Variants in POMT1 observed in about 807,000 individuals in gnomAD.
POMT1 encodes protein O-mannosyltransferase 1, also known as protein O-mannosyl-transferase 1.
A neutral mutation model predicts 101.6 loss-of-function variants in POMT1; 85 were observed. That is an observed-to-expected ratio of 0.84 (90% CI 0.70 to 1.00). The LOEUF is 1.00. POMT1 is among the 50% of genes least tolerant of loss of function. POMT1 has a pLI of 0.00. For synonymous variants in POMT1, 371 were observed against 383.0 expected (o/e 0.97, Z 0.37); for missense variants, 857 against 930.4 (o/e 0.92, Z 1.03).
intron 12 of POMT1, 71 bp downstream of exon 12, chr9:131,513,402 G>T: frequency 7.1e-7 from 1 of 1,407,154 alleles, no homozygotes; most frequent in Non-Finnish European, 9.8e-7. Flanking sequence ...AGACCAAAAC[G>T]TGAGCCCTGC....
At chr9:131,504,916 T>G (rs1945444499) in intron 2 of POMT1, among the ~76,000 whole-genome samples, 1 of 151,894 alleles carries the variant, frequency 6.6e-6, no homozygotes, top group South Asian at 2.1e-4. Context: ...TAGCTGAGAT[T>G]ACAGGTGCCC....
At chr9:131,506,044 A>G in intron 2 of POMT1, 70 bp from the exon 3 acceptor site, 1 of 1,597,560 alleles carries the variant, frequency 6.3e-7, no homozygotes, top group Admixed American at 1.7e-5. Context: ...ATACACATTT[A>G]TCCTCACAGT....
chr9:131,506,797 G>T, intron 4 of POMT1: 3 of 362,332 alleles, frequency 8.3e-6, no homozygotes, highest in Non-Finnish European at 1.6e-5. Flanking sequence ...GGCCGGGCGC[G>T]CTGGCTCACG....
intron 5 of POMT1, 66 bp from the exon 6 acceptor site, chr9:131,508,845 G>A: frequency 8.6e-7 from 1 of 1,167,788 alleles, no homozygotes; most frequent in Admixed American, 1.7e-5. Context: ...TTTCATGAGT[G>A]TTTTTCATCC....
chr9:131,521,983 AAG>A lies in POMT1; in HGVS notation c.1826-56_1826-55del, dbSNP rs1261487862. The A allele has an allele frequency of 4.4e-6, 7 of 1,608,100 alleles. No homozygotes were observed. In the East Asian group the frequency reaches 8.9e-5, roughly 20 times the overall value. ...AAGAACCCTCTCTCTAAAAAAGCAAAAGAGAGAGAAGACCCGGCCTGTGGGAG... is the reference window on the plus strand; with the variant it reads ...AAGAACCCTCTCTCTAAAAAAGCAAAAGAGAGAAGACCCGGCCTGTGGGAG... On this transcript the variant is annotated intron_variant, in intron 18 of 19. Transcript: ENST00000402686.
intron 2 of POMT1, among the ~76,000 whole-genome samples, chr9:131,505,681 T>A (rs1588330876): frequency 6.9e-6 from 1 of 145,092 alleles, no homozygotes; most frequent in Non-Finnish European, 1.5e-5. Context: ...TGCAGTTGAT[T>A]CCCACGTTTT....
chr9:131,517,708 C>T (rs923453447), intron 13 of POMT1, among the ~76,000 whole-genome samples: 1 of 152,216 alleles, frequency 6.6e-6, no homozygotes, highest in Non-Finnish European at 1.5e-5. Context: ...AGTGCTGTGC[C>T]CCTTCTCACG....
chr9:131,515,569 A>ACT, intron 13 of POMT1, 47 bp downstream of exon 13: 1 of 1,553,724 alleles, frequency 6.4e-7, no homozygotes. Flanking sequence ...AGTAATGAAC[A>ACT]CTCCCTCACA....
In POMT1 at chr9:131,509,113, C is replaced by T. The variant is rs11999204; in HGVS notation, c.539+91C>T. The T allele has an allele frequency of 0.93, 878,999 of 941,476 alleles. 412,098 individuals carry two copies. The highest frequency in any genetic ancestry group is 0.97 in the South Asian group (72,637 of 74,834). 58.3% of individuals were successfully genotyped at this position (941,476 alleles called of 1,614,324 possible). A position where few individuals can be genotyped will look rare whatever the true frequency, so the allele number is the denominator to read the frequency against. ...GATGGTCCAGTACCTTTTTTTGTTT[C>T]GTTTTGTGAGACAGTACCTTTTCAT... On this transcript the variant is annotated intron_variant, in intron 6 of 19. Transcript: ENST00000402686.
Position 131,513,221 on chromosome 9 carries a change from C to G in POMT1, c.1083-18C>G, listed in dbSNP as rs1947516871. 3 of 1,608,760 alleles carry G rather than the reference C, an allele frequency of 1.9e-6. No homozygotes were observed. Among genetic ancestry groups the G allele is most frequent in the South Asian group, 2.2e-5 (2 of 90,986 alleles). ...GGGACCAGGCTCTGTGTGGTCCCGA[C>G]AGCACTGTGTCTTCCAGGCACCAGC... On this transcript the variant is annotated intron_variant, in intron 11 of 19. Transcript: ENST00000402686.
In POMT1 at chr9:131,504,283, T is replaced by C; in HGVS notation, c.65T>C (p.Leu22Pro). The C allele has an allele frequency of 6.2e-7, 1 of 1,614,212 alleles. No homozygotes were observed. Among genetic ancestry groups the C allele is most frequent in the Non-Finnish European group, 8.5e-7 (1 of 1,180,032 alleles). The change falls in exon 2 of 20, where the codon CTG becomes CCG. Residue 22 changes from leucine (L) to proline (P), a missense_variant. Leu to Pro is a moderately conservative substitution (Grantham distance 98). Coordinates refer to ENST00000402686, the MANE Select transcript of POMT1 (RefSeq NM_001077365.2). ...TADINLSLVA[L>P]TGMGLLSRLW... ...GACATCAACTTGAGCCTTGTGGCCC[T>C]GACTGGGATGGGGTTACTGAGCCGG...
Position 131,504,238 on chromosome 9 carries a change from G to T in POMT1, c.20G>T (p.Arg7Leu). The T allele has an allele frequency of 6.2e-7, 1 of 1,614,158 alleles. No individual in the cohort carries two copies. The highest frequency in any genetic ancestry group is 8.5e-7 in the Non-Finnish European group (1 of 1,180,030). Reference protein sequence around the residue: MWGFLKRPVVVTADINL... With the variant: MWGFLKLPVVVTADINL... ...TACAAGATGTGGGGATTTTTGAAGCGCCCTGTAGTGGTGACGGCTGACATC... is the reference window on the plus strand; with the variant it reads ...TACAAGATGTGGGGATTTTTGAAGCTCCCTGTAGTGGTGACGGCTGACATC... Residue 7 changes from arginine to leucine, a missense_variant, in exon 2 of 20, where the codon CGC becomes CTC. Coordinates refer to ENST00000402686, the MANE Select transcript of POMT1 (RefSeq NM_001077365.2).
rs748757994 is a variant in POMT1 at position 131,507,495 on chromosome 9, T to G, written c.408T>G (p.Ala136=). The change falls in exon 5 of 20, where the codon GCT becomes GCG. Residue 136 remains alanine (A), a synonymous_variant. Coordinates refer to ENST00000402686, the MANE Select transcript of POMT1 (RefSeq NM_001077365.2). ...TTTCTCATTGTGCCGCCATGGGAGCTGCTCTGTTGATGCTTATCGGTAAGA... is the reference window on the plus strand; with the variant it reads ...TTTCTCATTGTGCCGCCATGGGAGCGGCTCTGTTGATGCTTATCGGTAAGA... ...LHFSHCAAMG[A]ALLMLIENAL... The G allele has an allele frequency of 3.1e-6, 5 of 1,614,214 alleles. No individual in the cohort carries two copies. The South Asian group carries it at 5.5e-5, about 18-fold the overall frequency.
In POMT1 at chr9:131,518,955, CGAGT is replaced by C; in HGVS notation, c.1486+3_1486+6del. ...AACGTGGAGGAGCACCGATACGGCG[CGAGT>C]GAGTCCGCGGCGTGGCTTCCGCCGC... is the stretch of plus-strand genomic sequence containing the variant. On this transcript the variant is annotated splice_donor_variant and coding_sequence_variant, in exon 15 of 20. Transcript: ENST00000402686. LOFTEE classifies it high-confidence loss of function. 1.2e-6 allele frequency: 2 copies of C among 1,613,452 alleles called. No homozygotes were observed. Among genetic ancestry groups the C allele is most frequent in the Non-Finnish European group, 1.7e-6 (2 of 1,180,026 alleles).
rs368972982 is a variant in POMT1, at chr9:131,522,910, C to T, written c.2004-22C>T. The T allele has an allele frequency of 6.4e-6, 10 of 1,568,430 alleles. No individual in the cohort carries two copies. The highest frequency in any genetic ancestry group is 1.3e-5 in the African/African-American group (1 of 74,214). On this transcript the variant is annotated intron_variant, in intron 19 of 19. Transcript: ENST00000402686. The surrounding 1 kb of genome is among the most constrained non-coding windows in gnomAD (Gnocchi z 5.5). ...GCCGCAGTGGTCAGCCACCCTCCCC[C>T]ACGCTGCTCTGACCTCTGCAGGTCC...
At chr9:131,515,587 C>G (rs979369883) in intron 13 of POMT1, 65 bp downstream of exon 13, 2 of 1,472,256 alleles carry the variant, frequency 1.4e-6, no homozygotes, top group East Asian at 4.5e-5. Flanking sequence ...ACACGGAGCA[C>G]TTCCTCACCC....
intron 12 of POMT1, among the ~76,000 whole-genome samples, chr9:131,514,558 G>C (rs992395316): frequency 6.6e-6 from 1 of 152,258 alleles, no homozygotes; most frequent in African/African-American, 2.4e-5. Context: ...TTCCCAGAGG[G>C]CTGTGAGGGC....
Position 131,519,624 on chromosome 9 carries a change from T to A in POMT1, c.1584+138T>A. 1.2e-6 allele frequency: 1 copy of A among 852,990 alleles called. No individual in the cohort carries two copies. The highest frequency in any genetic ancestry group is 1.4e-5 in the South Asian group (1 of 69,288). The allele number at this position is 852,990 out of a possible 1,614,324, so 52.8% of individuals were successfully genotyped here. The stretch of plus-strand genomic sequence containing the variant: ...ACAGGCTCACAACAGAATGAGTGTC[T>A]CCTCTCTCCAGTGTAAGGGACTGTG... On this transcript the variant is annotated intron_variant, in intron 16 of 19. Coordinates refer to ENST00000402686, the MANE Select transcript of POMT1 (RefSeq NM_001077365.2). This position sits in a 1 kb window ranked among gnomAD's most constrained non-coding sequence, Gnocchi z 4.3.
Position 131,523,197 on chromosome 9 carries a change from C to A in POMT1, c.*91C>A. 2.7e-6 allele frequency: 4 copies of A among 1,494,670 alleles called. No individual in the cohort carries two copies. The highest frequency in any genetic ancestry group is 3.6e-6 in the Non-Finnish European group (4 of 1,102,076). The allele number at this position is 1,494,670 out of a possible 1,614,324, so 92.6% of individuals were successfully genotyped here. ...TACGTAATGAGCAGGGTGGGCCCCA[C>A]GCTGGGAGGACACGGGCTGGGCTGA... On this transcript the variant is annotated 3_prime_UTR_variant, in exon 20 of 20. Transcript: ENST00000402686.
Sources: allele counts gnomAD v4.1 joint callset (sites outside exome capture counted in the v4.1 genomes callset), GRCh38; gene constraint gnomAD v4.1.1; non-coding constraint Gnocchi (gnomAD v3.1); transcripts MANE v1.5; gene names NCBI Gene and HGNC (gene_info 2026-07-23, HGNC 2026-07-21).